MCPH1: variants seen among roughly 807,000 people sequenced by gnomAD.
MCPH1 encodes the protein microcephalin 1, also known as microcephalin.
Under a neutral mutation model 84.5 loss-of-function variants are expected in MCPH1, and 104 were observed. The ratio of observed to expected loss-of-function variants is 1.23; its 90% CI spans 1.05 to 1.45. The LOEUF (loss-of-function observed/expected upper bound fraction) is 1.45, where lower values mean the gene tolerates loss of function less well. Among genes scored for constraint, MCPH1 ranks in the 40% most tolerant of loss-of-function variants. The pLI, the probability that MCPH1 is intolerant of heterozygous loss-of-function variation, is 0.00. For synonymous variants in MCPH1, 514 were observed against 366.8 expected (o/e 1.40, Z -4.58); for missense variants, 1,498 against 1,005.7 (o/e 1.49, Z -6.62).
At chr8:6,474,119 C>A in intron 9 of MCPH1, 1 of 765,380 alleles carries the variant, frequency 1.3e-6, no homozygotes, top group East Asian at 2.4e-5. Flanking sequence ...GAAGAAATCA[C>A]AACCGTGGTA....
chr8:6,418,870 G>C (rs1799711832), intron 3 of MCPH1, among the ~76,000 whole-genome samples: 1 of 152,074 alleles, frequency 6.6e-6, no homozygotes, highest in South Asian at 2.1e-4. Flanking sequence ...GTGAGCCACA[G>C]CGCCCGGCCA....
At chr8:6,534,395 G>C (rs901744419) in intron 12 of MCPH1, among the ~76,000 whole-genome samples, 7 of 152,096 alleles carry the variant, frequency 4.6e-5, no homozygotes, top group Non-Finnish European at 8.8e-5. Flanking sequence ...TGAGCACCGT[G>C]GATTTTGGTA....
chr8:6,414,528 T>A (rs1798982371), intron 2 of MCPH1, among the ~76,000 whole-genome samples: 1 of 152,176 alleles, frequency 6.6e-6, no homozygotes, highest in African/African-American at 2.4e-5. Context: ...GGGCTCCAAC[T>A]CTATTCTTTC....
At chr8:6,434,577 A>C (rs1585738315) in intron 4 of MCPH1, among the ~76,000 whole-genome samples, 1 of 152,232 alleles carries the variant, frequency 6.6e-6, no homozygotes, top group African/African-American at 2.4e-5. Flanking sequence ...CCAGCATACA[A>C]GCTCCATGAT....
intron 10 of MCPH1, 136 bp from the exon 11 acceptor site, chr8:6,480,578 A>G (rs1224987375): frequency 5.9e-6 from 5 of 841,574 alleles, no homozygotes; most frequent in Admixed American, 1.8e-5. Context: ...GTCAGTTAAG[A>G]TATACGTACC....
chr8:6,624,047 TC>T (rs1327619466), intron 13 of MCPH1, among the ~76,000 whole-genome samples: 3 of 152,204 alleles, frequency 2.0e-5, no homozygotes, highest in Non-Finnish European at 4.4e-5. Flanking sequence ...GACAGCCCCT[TC>T]CTGTGGGTCC....
In MCPH1 at chr8:6,406,709, C is replaced by G. The variant is rs778288309; in HGVS notation, c.22+20C>G. The G allele has an allele frequency of 5.0e-6, 8 of 1,611,552 alleles. No individual in the cohort carries two copies. In the South Asian group the frequency reaches 7.7e-5, roughly 16 times the overall value. ...TGAAAGGTGAGGTACTTCCTGCTGC[C>G]TGCTCCAGCAGCGGGAGTTTGAGGA... On this transcript the variant is annotated intron_variant, in intron 1 of 13. Transcript: ENST00000344683.
intron 12 of MCPH1, among the ~76,000 whole-genome samples, chr8:6,527,364 C>G (rs558651053): frequency 1.3e-4 from 20 of 152,346 alleles, no homozygotes; most frequent in African/African-American, 4.8e-4. Context: ...AAATCCAGGA[C>G]TGTGTTAGGA....
rs777606731 is a variant in MCPH1, at chr8:6,581,037, T to A, written c.2215-40417T>A. On this transcript the variant is annotated intron_variant, in intron 12 of 13. Coordinates refer to ENST00000344683, the MANE Select transcript of MCPH1 (RefSeq NM_024596.5). ...TATTTACATAGCATTTACATTGTAT[T>A]AACTATCATAAGTAATCTAGGGATG... Among the ~76,000 whole-genome samples, 30 of 152,334 alleles carry A rather than the reference T, an allele frequency of 2.0e-4. No individual in the cohort carries two copies. In the Middle Eastern group the frequency reaches 0.017, roughly 86 times the overall value.
chr8:6,502,099 A>G (rs951295107), intron 12 of MCPH1: 1 of 152,176 alleles, frequency 6.6e-6, no homozygotes, highest in Non-Finnish European at 1.5e-5. Flanking sequence ...CTATAAAAAT[A>G]TATCTTACTA....
rs183898105 is a variant in MCPH1 at position 6,573,903 on chromosome 8, C to G, written c.2215-47551C>G. Among the ~76,000 whole-genome samples, 5 of 152,308 alleles carry G rather than the reference C, an allele frequency of 3.3e-5. No homozygotes were observed. The East Asian group carries it at 9.6e-4, about 29-fold the overall frequency. The stretch of plus-strand genomic sequence containing the variant: ...CCAGAAAAAACCACAATGAATTGTT[C>G]TAAGGTGGTCCCAGGCTGATCATCT... On this transcript the variant is annotated intron_variant, in intron 12 of 13. Transcript: ENST00000344683.
chr8:6,580,621 A>C (rs1210827047), intron 12 of MCPH1, among the ~76,000 whole-genome samples: 1 of 152,238 alleles, frequency 6.6e-6, no homozygotes, highest in Admixed American at 6.5e-5. Context: ...ACTGCACTCC[A>C]GCCTGGGCTA....
At chr8:6,579,418 A>G (rs571961674) in intron 12 of MCPH1, among the ~76,000 whole-genome samples, 2 of 152,292 alleles carry the variant, frequency 1.3e-5, no homozygotes, top group East Asian at 3.9e-4. Flanking sequence ...ACTTTTAGAT[A>G]CCAGAAACTA....
At chr8:6,498,678 C>A (rs184876387) in intron 11 of MCPH1, among the ~76,000 whole-genome samples, 6 of 152,330 alleles carry the variant, frequency 3.9e-5, no homozygotes, top group Admixed American at 2.6e-4. Flanking sequence ...GTATTTCTCA[C>A]TGTACTATTC....
chr8:6,592,961 C>G (rs781101652), intron 12 of MCPH1, among the ~76,000 whole-genome samples: 28 of 151,810 alleles, frequency 1.8e-4, no homozygotes, highest in Non-Finnish European at 3.8e-4. Flanking sequence ...GCCACCGTGC[C>G]AGGCCGGCTC....
In MCPH1 at chr8:6,500,091, G is replaced by A. The variant is rs1328893344; in HGVS notation, c.2214+162G>A. ...TAACACCTTTTATCAATTTATTCGC[G>A]AGAACAAATGTGAGAACGTGAGACC... On this transcript the variant is annotated intron_variant, in intron 12 of 13. Transcript: ENST00000344683. 2.3e-5 allele frequency: 15 copies of A among 664,634 alleles called. 1 individual carries two copies. The highest frequency in any genetic ancestry group is 2.2e-4 in the South Asian group (13 of 59,198). The allele number at this position is 664,634 out of a possible 1,614,324, so 41.2% of individuals were successfully genotyped here. A position where few individuals can be genotyped will look rare whatever the true frequency, so the allele number is the denominator to read the frequency against.
chr8:6,411,838 G>C (rs367999770), intron 2 of MCPH1, among the ~76,000 whole-genome samples: 20 of 152,246 alleles, frequency 1.3e-4, no homozygotes, highest in South Asian at 4.1e-4. Flanking sequence ...GCGGGACGCG[G>C]GCATGTCTTA....
chr8:6,634,005 T>A (rs900681359), intron 13 of MCPH1, among the ~76,000 whole-genome samples: 1 of 152,178 alleles, frequency 6.6e-6, no homozygotes. Context: ...ATGACCACCA[T>A]ACATGACCTG....
At chr8:6,467,381 ATATTTGCTATT>A (rs1176476640) in intron 9 of MCPH1, among the ~76,000 whole-genome samples, 1 of 152,162 alleles carries the variant, frequency 6.6e-6, no homozygotes, top group African/African-American at 2.4e-5. Context: ...ATTTTAAAGT[ATATTTGCTATT>A]TATTTGCAAT....
Sources: gnomAD v4.1 joint callset for allele counts (sites outside exome capture counted in the v4.1 genomes callset) on GRCh38, gnomAD v4.1.1 for gene constraint, MANE v1.5 for transcripts, NCBI Gene and HGNC (gene_info 2026-07-23, HGNC 2026-07-21) for gene names.